Variants in PPP1R1C observed in about 807,000 individuals in gnomAD.
The protein encoded by PPP1R1C is protein phosphatase 1 regulatory subunit 1C.
A neutral mutation model predicts 17.4 loss-of-function variants in PPP1R1C; 15 were observed. The ratio of observed to expected loss-of-function variants is 0.86; its 90% confidence interval spans 0.58 to 1.33. The LOEUF is 1.33. PPP1R1C is among the 40% of genes most tolerant of loss of function. The pLI is 0.00. For missense variants in PPP1R1C, 143 were observed against 130.0 expected (o/e 1.10, Z -0.48); for synonymous variants, 35 against 43.1 (o/e 0.81, Z 0.73).
At chr2:182,088,301 T>A (rs569374948) in intron 4 of PPP1R1C, among the ~76,000 whole-genome samples, 29 of 152,334 alleles carry the variant, frequency 1.9e-4, no homozygotes, top group African/African-American at 6.0e-4. Flanking sequence ...CTCAGGGCCT[T>A]TACTATCAGT....
chr2:182,031,775 A>T (rs972025360), intron 2 of PPP1R1C, among the ~76,000 whole-genome samples: 3 of 152,212 alleles, frequency 2.0e-5, no homozygotes, highest in Non-Finnish European at 4.4e-5. Flanking sequence ...TAAATTCTAT[A>T]ATTTATGGTT....
At chr2:182,119,541 A>G (rs1196117141), downstream of PPP1R1C, among the ~76,000 whole-genome samples, 1 of 152,100 alleles carries the variant, frequency 6.6e-6, no homozygotes, top group Non-Finnish European at 1.5e-5. Context: ...AAGTGTTCCT[A>G]TTTCTCCACA....
rs1402628066 is a variant in PPP1R1C, at chr2:181,962,016, C to T, written n.111+7382C>T. On this transcript the variant is annotated intron_variant and non_coding_transcript_variant, in intron 1 of 5. Transcript: ENST00000464264. The surrounding 1 kb of genome is among the most constrained non-coding windows in gnomAD (Gnocchi z 6.0). ...TCATCGGCTGCAAGACAGGCATTGTCAATCTGCAAAACGATGCCGGCATTG... is the reference window on the plus strand; with the variant it reads ...TCATCGGCTGCAAGACAGGCATTGTTAATCTGCAAAACGATGCCGGCATTG... The T allele has an allele frequency of 1.4e-6, 1 of 731,148 alleles. No homozygotes were observed. The highest frequency in any genetic ancestry group is 2.5e-6 in the Non-Finnish European group (1 of 395,460). 45.3% of individuals were successfully genotyped at this position (731,148 alleles called of 1,614,324 possible).
chr2:181,976,792 C>T lies in PPP1R1C; in HGVS notation n.157+1528C>T, dbSNP rs1267771293. 6.6e-6 allele frequency among the ~76,000 whole-genome samples: 1 copy of T among 152,044 alleles called. No homozygotes were observed. Among genetic ancestry groups the T allele is most frequent in the Non-Finnish European group, 1.5e-5 (1 of 68,012 alleles). ...GCTCTTGCTCTCTACTGTAAGGTCCCATGTTTGAAGGAGGCTTTCTTTTAA... is the reference window on the plus strand; with the variant it reads ...GCTCTTGCTCTCTACTGTAAGGTCCTATGTTTGAAGGAGGCTTTCTTTTAA... On this transcript the variant is annotated intron_variant and non_coding_transcript_variant, in intron 2 of 5. Transcript: ENST00000464264. This position sits in a 1 kb window ranked among gnomAD's most constrained non-coding sequence, Gnocchi z 4.8.
At position 181,992,870 on chromosome 2, in the gene PPP1R1C, A is replaced by G. The variant is rs537814040; in HGVS notation, c.142+4971A>G. 2.2e-4 allele frequency among the ~76,000 whole-genome samples: 17 copies of G among 77,174 alleles called. 2 individuals are homozygous for G. The South Asian group carries it at 5.3e-3, about 24-fold the overall frequency. 50.6% of individuals were successfully genotyped at this position (77,174 alleles called of 152,430 possible). A position where few individuals can be genotyped will look rare whatever the true frequency, so the allele number is the denominator to read the frequency against. On this transcript the variant is annotated intron_variant, in intron 2 of 4. Transcript: ENST00000682840. ...ATAGGAGACATAAGAGATATATGAT[A>G]CTAAATATAATACTATCTCCTTTCA...
intron 4 of PPP1R1C, among the ~76,000 whole-genome samples, chr2:182,068,632 C>T (rs115520956): frequency 0.018 from 2,696 of 152,278 alleles, 69 homozygotes; most frequent in African/African-American, 0.061. Flanking sequence ...TCACCTAGCT[C>T]CGGTCCTCAG....
chr2:181,985,557 A>T (rs1685274389), upstream of PPP1R1C, among the ~76,000 whole-genome samples: 1 of 152,192 alleles, frequency 6.6e-6, no homozygotes. The surrounding 1 kb of genome is among the most constrained non-coding windows in gnomAD (Gnocchi z 4.1). Flanking sequence ...CTGAATGTGA[A>T]ATAGCAAAGG....
chr2:182,037,161 T>A (rs1444210936), intron 2 of PPP1R1C, among the ~76,000 whole-genome samples: 1 of 152,136 alleles, frequency 6.6e-6, no homozygotes. Flanking sequence ...GAATATTAGA[T>A]TAAAAACAAA....
At chr2:182,046,551 C>T (rs1687352379) in intron 2 of PPP1R1C, among the ~76,000 whole-genome samples, 1 of 150,222 alleles carries the variant, frequency 6.7e-6, no homozygotes, top group African/African-American at 2.4e-5. Flanking sequence ...CATGGTGAAA[C>T]CTCGTCTCTA....
intron 4 of PPP1R1C, among the ~76,000 whole-genome samples, chr2:182,105,989 G>A (rs566284555): frequency 1.3e-5 from 2 of 152,282 alleles, no homozygotes; most frequent in Admixed American, 6.5e-5. Flanking sequence ...GAGGGCTGAA[G>A]GAAAATCTGT....
At chr2:182,068,456 G>A (rs948515355) in intron 4 of PPP1R1C, among the ~76,000 whole-genome samples, 1 of 152,162 alleles carries the variant, frequency 6.6e-6, no homozygotes, top group Non-Finnish European at 1.5e-5. Context: ...TCATCCCAGT[G>A]AGACTTGAAA....
At chr2:182,068,271 G>A (rs968988633) in intron 4 of PPP1R1C, among the ~76,000 whole-genome samples, 1 of 152,110 alleles carries the variant, frequency 6.6e-6, no homozygotes, top group African/African-American at 2.4e-5. Context: ...TAAAGAAAAT[G>A]CTTAGATCAG....
intron 2 of PPP1R1C, among the ~76,000 whole-genome samples, chr2:182,008,347 G>T (rs1352704961): frequency 6.6e-6 from 1 of 151,758 alleles, no homozygotes; most frequent in East Asian, 1.9e-4. Flanking sequence ...ATTCTTGATG[G>T]CTTACAATAA....
chr2:181,961,998 C>A lies in PPP1R1C; in HGVS notation n.111+7364C>A, dbSNP rs2125130825. The A allele has an allele frequency of 1.4e-6, 1 of 732,510 alleles. No homozygotes were observed. The allele number at this position is 732,510 out of a possible 1,614,324, so 45.4% of individuals were successfully genotyped here. On this transcript the variant is annotated intron_variant and non_coding_transcript_variant, in intron 1 of 5. Transcript: ENST00000464264. The surrounding 1 kb of genome is among the most constrained non-coding windows in gnomAD (Gnocchi z 5.8). ...TCATACTTGACTCTAAAGTCATCGG[C>A]TGCAAGACAGGCATTGTCAATCTGC...
Position 181,958,118 on chromosome 2 carries a change from C to T in PPP1R1C, n.111+3484C>T, listed in dbSNP as rs1250095735. On this transcript the variant is annotated intron_variant and non_coding_transcript_variant, in intron 1 of 5. Coordinates refer to the PPP1R1C transcript ENST00000464264. ...TAAGAACATTTGAGCAGGAGATATG[C>T]TAAGGAAGCGCTCCCAAGAAAAATC... Among the ~76,000 whole-genome samples the T allele has an allele frequency of 5.3e-5, 8 of 152,222 alleles. No homozygotes were observed. The East Asian group carries it at 1.5e-3, about 29-fold the overall frequency.
At chr2:182,069,406 G>A (rs1345166158) in intron 4 of PPP1R1C, among the ~76,000 whole-genome samples, 1 of 151,762 alleles carries the variant, frequency 6.6e-6, no homozygotes, top group Non-Finnish European at 1.5e-5. Context: ...GAGTCAGGTT[G>A]GAGAAGCAAT....
intron 4 of PPP1R1C, among the ~76,000 whole-genome samples, chr2:182,075,744 C>CTAT (rs374190766): frequency 9.9e-4 from 151 of 152,314 alleles, no homozygotes; most frequent in African/African-American, 3.5e-3. Flanking sequence ...ACAATTAACT[C>CTAT]TATGCACTAC....
chr2:182,057,416 G>A (rs1290153482), intron 2 of PPP1R1C, among the ~76,000 whole-genome samples: 1 of 152,106 alleles, frequency 6.6e-6, no homozygotes, highest in Non-Finnish European at 1.5e-5. Context: ...AACTCTGAGG[G>A]ATAGTAGTAT....
chr2:182,131,213 G>T (rs1030301678), downstream of PPP1R1C: 8 of 150,762 alleles, frequency 5.3e-5, no homozygotes, highest in Admixed American at 5.3e-4. Flanking sequence ...GTGTGTGTGT[G>T]TTTGTGTCTA....
Sources: gnomAD v4.1 joint callset for allele counts (sites outside exome capture counted in the v4.1 genomes callset) on GRCh38, gnomAD v4.1.1 for gene constraint, Gnocchi (gnomAD v3.1) non-coding constraint, MANE v1.5 for transcripts, NCBI Gene and HGNC (gene_info 2026-07-23, HGNC 2026-07-21) for gene names.